BPIFB4: variants seen among roughly 807,000 people sequenced by gnomAD.
BPIFB4 encodes BPI fold-containing family B member 4.
A neutral mutation model predicts 69.2 loss-of-function variants in BPIFB4; 62 were observed. The observed-to-expected ratio is 0.90, with a 90% CI of 0.73 to 1.11. The LOEUF (loss-of-function observed/expected upper bound fraction) is 1.11. Ranked by LOEUF, BPIFB4 falls within the 50% of genes least tolerant of loss-of-function variation. The probability of loss-of-function intolerance (pLI) is 0.00; values close to 1 mark genes in which losing one functional copy is unlikely to be tolerated. For synonymous variants in BPIFB4, 330 were observed against 332.7 expected, an observed-to-expected ratio of 0.99 and a Z score of 0.09; for missense variants, 789 against 792.0, an observed-to-expected ratio of 1.00 and a Z score of 0.04.
intron 12 of BPIFB4, among the ~76,000 whole-genome samples, chr20:33,096,156 G>C (rs1185997625): frequency 3.3e-5 from 5 of 152,184 alleles, no homozygotes; most frequent in Non-Finnish European, 4.4e-5. Flanking sequence ...TCTCTAGGGT[G>C]GTAACAGTGG....
intron 3 of BPIFB4, 115 bp downstream of exon 3, chr20:33,081,747 G>A (rs1981238276): frequency 1.3e-5 from 19 of 1,471,556 alleles, no homozygotes; most frequent in Non-Finnish European, 1.5e-5. Flanking sequence ...GGGAGGCTGG[G>A]TGAATTCTAC....
chr20:33,081,576 G>T lies in BPIFB4; in HGVS notation c.50G>T (p.Gly17Val). The T allele has an allele frequency of 6.4e-7, 1 of 1,551,700 alleles. No homozygotes were observed. The highest frequency in any genetic ancestry group is 8.7e-7 in the Non-Finnish European group (1 of 1,147,002). Reference sequence around the variant, plus strand: ...GCGCTGTCTGTGGTGGCTGTGTGTGGCACCAGCCACGAGACAAACACGGTC... The same window carrying T: ...GCGCTGTCTGTGGTGGCTGTGTGTGTCACCAGCCACGAGACAAACACGGTC... ...VAALSVVAVC[G>V]TSHETNTVLR... Residue 17 changes from glycine (G) to valine (V), a missense_variant, in exon 3 of 18, where the codon GGC becomes GTC. Physicochemically the swap from Gly to Val is moderately radical, Grantham distance 109 (BLOSUM62 -3). This residue lies in a region of BPIFB4 where 611 missense variants were observed against 575.4 expected (regional missense o/e 1.06). Coordinates refer to ENST00000375483, the MANE Select transcript of BPIFB4 (RefSeq NM_182519.3).
At chr20:33,081,734 A>G in intron 3 of BPIFB4, 102 bp downstream of exon 3, 2 of 1,486,844 alleles carry the variant, frequency 1.3e-6, no homozygotes, top group South Asian at 2.7e-5. Context: ...CAGAGTTCAC[A>G]TCGGGAGGCT....
chr20:33,085,851 C>G (rs1413215007), intron 6 of BPIFB4, among the ~76,000 whole-genome samples, 170 bp from the exon 7 acceptor site: 5 of 152,170 alleles, frequency 3.3e-5, no homozygotes, highest in African/African-American at 1.2e-4. Flanking sequence ...GGGAGATAGA[C>G]TTGTTCACGT....
rs116006941 is a variant in BPIFB4 at position 33,108,202 on chromosome 20, C to T, written c.1821+382C>T. ...AGGGGCCTGGGGATCCAGCAGTGAA[C>T]AAGGACAACCCTGGCCCTTGCAAAG... On this transcript the variant is annotated intron_variant, in intron 17 of 17. Coordinates refer to ENST00000375483, the MANE Select transcript of BPIFB4 (RefSeq NM_182519.3). Among the ~76,000 whole-genome samples the T allele has an allele frequency of 6.8e-3, 1,038 of 152,204 alleles. 11 individuals are homozygous for T. Among genetic ancestry groups the T allele is most frequent in the African/African-American group, 0.024 (977 of 41,516 alleles).
intron 6 of BPIFB4, 35 bp from the exon 7 acceptor site, chr20:33,085,986 A>T (rs1466417282): frequency 6.3e-7 from 1 of 1,584,540 alleles, no homozygotes; most frequent in Non-Finnish European, 8.7e-7. Flanking sequence ...GCTGGGGGTG[A>T]CTCATGGTCT....
At chr20:33,089,430 C>T (rs376154706) in intron 8 of BPIFB4, 68 bp from the exon 9 acceptor site, 8 of 1,609,016 alleles carry the variant, frequency 5.0e-6, no homozygotes, top group South Asian at 2.2e-5. Context: ...GTTACTCTTG[C>T]GTCCCCGACT....
At chr20:33,110,105 G>A (rs776066161) in intron 17 of BPIFB4, among the ~76,000 whole-genome samples, 10 of 152,120 alleles carry the variant, frequency 6.6e-5, no homozygotes, top group South Asian at 2.1e-4. Context: ...ATCTGCAGAC[G>A]TATTCACCAG....
At chr20:33,102,766 C>T (rs1383717040) in intron 14 of BPIFB4, among the ~76,000 whole-genome samples, 1 of 152,196 alleles carries the variant, frequency 6.6e-6, no homozygotes, top group African/African-American at 2.4e-5. Flanking sequence ...GAGCCTTCTC[C>T]GTGTGGTGCA....
intron 15 of BPIFB4, 42 bp downstream of exon 15, chr20:33,103,056 A>G: frequency 1.3e-6 from 2 of 1,592,934 alleles, no homozygotes; most frequent in South Asian, 2.2e-5. Flanking sequence ...TCTTCTGGGA[A>G]GGAGCCCAGG....
chr20:33,086,572 T>C lies in BPIFB4; in HGVS notation c.926+408T>C, dbSNP rs111532080. Among the ~76,000 whole-genome samples the C allele has an allele frequency of 2.9e-3, 445 of 152,222 alleles. 11 individuals are homozygous for C. The highest frequency in any genetic ancestry group is 0.01 in the African/African-American group (432 of 41,520). On this transcript the variant is annotated intron_variant, in intron 7 of 17. Transcript: ENST00000375483. ...AGCTCCAGTTTCCTCCTCTGTGAAA[T>C]GGGTAATTCTTTTTCCTTCAGGAAT...
chr20:33,092,274 G>A (rs557216300), intron 10 of BPIFB4, among the ~76,000 whole-genome samples, 184 bp from the exon 11 acceptor site: 34 of 152,328 alleles, frequency 2.2e-4, no homozygotes, highest in African/African-American at 6.5e-4. Flanking sequence ...CAGGAACTGC[G>A]AAAGGTTCCA....
chr20:33,087,125 GT>G (rs1981454692), intron 7 of BPIFB4, among the ~76,000 whole-genome samples: 1 of 152,168 alleles, frequency 6.6e-6, no homozygotes, highest in African/African-American at 2.4e-5. Context: ...GGAGAGGAGG[GT>G]GAGGAAAACC....
Position 33,086,009 on chromosome 20 carries a change from G to A in BPIFB4, c.783-12G>A. 3 of 1,600,748 alleles carry A rather than the reference G, an allele frequency of 1.9e-6. No individual in the cohort carries two copies. Among genetic ancestry groups the A allele is most frequent in the African/African-American group, 2.7e-5 (2 of 74,810 alleles). On this transcript the variant is annotated splice_polypyrimidine_tract_variant and intron_variant, in intron 6 of 17. Transcript: ENST00000375483. ...TGACTCATGGTCTCCCTGGCCCCTT[G>A]GCCTCCTCCAGTCTTATTGGCTTCC...
chr20:33,092,699 G>T (rs1439695926), intron 11 of BPIFB4, 41 bp downstream of exon 11: 3 of 1,553,078 alleles, frequency 1.9e-6, no homozygotes, highest in Non-Finnish European at 2.6e-6. Flanking sequence ...CTGGGCAGCA[G>T]ACAGCTGCCA....
intron 8 of BPIFB4, among the ~76,000 whole-genome samples, 161 bp downstream of exon 8, chr20:33,089,190 G>A (rs1158458084): frequency 6.6e-6 from 1 of 152,206 alleles, no homozygotes; most frequent in Non-Finnish European, 1.5e-5. Context: ...GGACCCTGAG[G>A]AACACGAAAG....
chr20:33,096,656 G>T (rs1294807580), intron 12 of BPIFB4, among the ~76,000 whole-genome samples: 1 of 152,178 alleles, frequency 6.6e-6, no homozygotes, highest in Non-Finnish European at 1.5e-5. Context: ...TACAGATGGG[G>T]AAACAGAGGC....
intron 13 of BPIFB4, among the ~76,000 whole-genome samples, chr20:33,099,140 A>G (rs1289974429): frequency 2.0e-5 from 3 of 152,016 alleles, no homozygotes; most frequent in African/African-American, 7.2e-5. Context: ...CTCCATGATT[A>G]AGGCTTCAGG....
chr20:33,107,221 A>AGAAGGAAG (rs71190891), intron 16 of BPIFB4, among the ~76,000 whole-genome samples: 70,545 of 141,992 alleles, frequency 0.5, 18,618 homozygotes, highest in Middle Eastern at 0.59. Flanking sequence ...AATGAAAGAA[A>AGAAGGAAG]GAAGGAAGGA....
Sources: allele counts gnomAD v4.1 joint callset (sites outside exome capture counted in the v4.1 genomes callset), GRCh38; gene constraint gnomAD v4.1.1; regional missense constraint gnomAD v4.1.1; transcripts MANE v1.5; gene names NCBI Gene and HGNC (gene_info 2026-07-23, HGNC 2026-07-21).